Variants in GRM7 observed in about 807,000 individuals in gnomAD.
The protein encoded by GRM7 is glutamate metabotropic receptor 7, also known as metabotropic glutamate receptor 7.
A neutral mutation model predicts 84.5 loss-of-function variants in GRM7; 35 were observed. The ratio of observed to expected loss-of-function variants is 0.41; its 90% CI spans 0.32 to 0.55. The LOEUF (loss-of-function observed/expected upper bound fraction) is 0.55. Ranked by LOEUF, GRM7 falls within the 20% of genes least tolerant of loss-of-function variation. GRM7 has a pLI of 0.19. For missense variants in GRM7, 1,003 were observed against 1,194.6 expected (o/e 0.84, Z 2.36); for synonymous variants, 487 against 455.1 (o/e 1.07, Z -0.89).
chr3:7,289,512 A>G (rs145922875), intron 2 of GRM7, among the ~76,000 whole-genome samples: 62 of 152,328 alleles, frequency 4.1e-4, no homozygotes, highest in African/African-American at 1.4e-3. Flanking sequence ...TACTGGGTAT[A>G]TACCCAAAGG....
chr3:7,320,681 A>AGTGTATGT (rs367833809), intron 4 of GRM7, among the ~76,000 whole-genome samples: 7,719 of 141,208 alleles, frequency 0.055, 632 homozygotes, highest in African/African-American at 0.18. Flanking sequence ...GTGGGTGATC[A>AGTGTATGT]GTGTGTGTGT....
At chr3:7,315,616 C>T (rs972353911) in intron 4 of GRM7, among the ~76,000 whole-genome samples, 8 of 152,154 alleles carry the variant, frequency 5.3e-5, no homozygotes, top group African/African-American at 9.7e-5. Flanking sequence ...TGAATAAATT[C>T]GTCTTTATTC....
chr3:7,561,707 CAA>C (rs949537957), intron 7 of GRM7: 1 of 347,396 alleles, frequency 2.9e-6, no homozygotes, highest in South Asian at 2.2e-5. Flanking sequence ...CTTCTCAATG[CAA>C]AAAAATAAGC....
intron 8 of GRM7, among the ~76,000 whole-genome samples, chr3:7,628,921 C>T (rs1697742886): frequency 6.6e-6 from 1 of 152,082 alleles, no homozygotes; most frequent in Admixed American, 6.5e-5. Flanking sequence ...TTAGGTGGTC[C>T]TCATTGTTTT....
intron 4 of GRM7, among the ~76,000 whole-genome samples, chr3:7,307,658 G>A (rs1469867285): frequency 1.3e-5 from 2 of 152,200 alleles, no homozygotes; most frequent in Non-Finnish European, 2.9e-5. Flanking sequence ...TCACTGGGAG[G>A]CTTTGAATTA....
chr3:6,908,557 C>A (rs1473669087), intron 1 of GRM7, among the ~76,000 whole-genome samples: 1 of 152,250 alleles, frequency 6.6e-6, no homozygotes, highest in South Asian at 2.1e-4. Context: ...AATAACTCCC[C>A]TATTTGCTTG....
Position 6,937,496 on chromosome 3 carries a change from T to C in GRM7, c.519+75589T>C, listed in dbSNP as rs186199742. On this transcript the variant is annotated intron_variant, in intron 1 of 9. Coordinates refer to ENST00000357716, the MANE Select transcript of GRM7 (RefSeq NM_000844.4). Reference sequence around the variant, plus strand: ...ACATGAATGCATCTAGTATAAATAATCTTTAATATTGAGTTAAACATTTAA... The same window carrying C: ...ACATGAATGCATCTAGTATAAATAACCTTTAATATTGAGTTAAACATTTAA... Among the ~76,000 whole-genome samples, 13 of 152,258 alleles carry C rather than the reference T, an allele frequency of 8.5e-5. No homozygotes were observed. The East Asian group carries it at 2.5e-3, about 29-fold the overall frequency.
chr3:7,424,729 G>T (rs1229168249), intron 5 of GRM7, among the ~76,000 whole-genome samples: 4 of 152,194 alleles, frequency 2.6e-5, no homozygotes, highest in Admixed American at 6.5e-5. Context: ...GAGAACACAG[G>T]CAAGGTCTTT....
At chr3:7,084,343 A>T (rs908220622) in intron 1 of GRM7, among the ~76,000 whole-genome samples, 5 of 152,028 alleles carry the variant, frequency 3.3e-5, no homozygotes, top group African/African-American at 1.2e-4. Flanking sequence ...AGAGGTAGGT[A>T]GGGCCCAGGA....
chr3:7,075,414 C>T (rs1698030200), intron 1 of GRM7, among the ~76,000 whole-genome samples: 1 of 152,006 alleles, frequency 6.6e-6, no homozygotes, highest in Non-Finnish European at 1.5e-5. Flanking sequence ...ACCTCCCAGG[C>T]CTCTTCACTG....
chr3:7,271,537 C>T (rs976322296), intron 2 of GRM7, among the ~76,000 whole-genome samples: 5 of 125,320 alleles, frequency 4.0e-5, no homozygotes, highest in East Asian at 5.0e-4. Context: ...CCAGCCTGGG[C>T]GACAGAGTGA....
At chr3:7,246,057 C>A (rs1306407608) in intron 2 of GRM7, among the ~76,000 whole-genome samples, 1 of 152,054 alleles carries the variant, frequency 6.6e-6, no homozygotes, top group Non-Finnish European at 1.5e-5. Context: ...AGCATAATAT[C>A]ACTAATTTTC....
chr3:6,895,153 A>G (rs1696129577), intron 1 of GRM7, among the ~76,000 whole-genome samples: 1 of 152,180 alleles, frequency 6.6e-6, no homozygotes, highest in South Asian at 2.1e-4. Context: ...GACGATTATT[A>G]ACACTCAATC....
At chr3:6,927,611 TATC>T (rs1372360779) in intron 1 of GRM7, among the ~76,000 whole-genome samples, 6 of 152,224 alleles carry the variant, frequency 3.9e-5, no homozygotes, top group African/African-American at 1.4e-4. Context: ...AGAGAATAAA[TATC>T]ATCATTGCTA....
chr3:7,355,573 C>T (rs1237523680), intron 4 of GRM7, among the ~76,000 whole-genome samples: 2 of 152,184 alleles, frequency 1.3e-5, no homozygotes, highest in East Asian at 3.9e-4. Flanking sequence ...TTTAGAGAGA[C>T]AGCTTTTGGC....
chr3:7,148,564 C>T (rs1694179808), intron 2 of GRM7, among the ~76,000 whole-genome samples: 1 of 152,028 alleles, frequency 6.6e-6, no homozygotes. Flanking sequence ...TGCTCTGGGT[C>T]TTTATAAAAA....
chr3:7,558,230 G>C (rs1360829574), intron 7 of GRM7, among the ~76,000 whole-genome samples: 1 of 152,016 alleles, frequency 6.6e-6, no homozygotes, highest in South Asian at 2.1e-4. Flanking sequence ...AAGTTCAGGG[G>C]AATAATTCTT....
intron 7 of GRM7, among the ~76,000 whole-genome samples, chr3:7,504,851 A>G (rs889305396): frequency 6.6e-6 from 1 of 152,178 alleles, no homozygotes; most frequent in African/African-American, 2.4e-5. Context: ...TTACATGCAA[A>G]ATAATTAATT....
At chr3:7,655,220 T>A (rs754396163) in intron 8 of GRM7, among the ~76,000 whole-genome samples, 3 of 152,184 alleles carry the variant, frequency 2.0e-5, no homozygotes, top group Non-Finnish European at 4.4e-5. Flanking sequence ...AAGGCCTAAA[T>A]GAGATGTATA....
Sources: allele counts gnomAD v4.1 joint callset (sites outside exome capture counted in the v4.1 genomes callset), GRCh38; gene constraint gnomAD v4.1.1; transcripts MANE v1.5; gene names NCBI Gene and HGNC (gene_info 2026-07-23, HGNC 2026-07-21).